The following SPIRE1 variants were observed in gnomAD, a reference collection of about 807,000 sequenced individuals.
The protein encoded by SPIRE1 is spire type actin nucleation factor 1.
SPIRE1 carries 40 observed loss-of-function variants against 94.1 expected under a neutral mutation model. That is an observed-to-expected ratio of 0.43 (90% CI 0.33 to 0.55). The LOEUF is 0.55. Among genes scored for constraint, SPIRE1 ranks in the 20% least tolerant of loss-of-function variants. SPIRE1 has a pLI of 0.06. For missense variants in SPIRE1, 838 were observed against 975.2 expected (o/e 0.86, Z 1.87); for synonymous variants, 376 against 371.7 (o/e 1.01, Z -0.13).
At chr18:12,480,306 A>G (rs2032791559) in intron 9 of SPIRE1, among the ~76,000 whole-genome samples, 1 of 152,218 alleles carries the variant, frequency 6.6e-6, no homozygotes, top group African/African-American at 2.4e-5. Flanking sequence ...CTAATAATCT[A>G]TATTCATATA....
chr18:12,447,035 T>C lies in SPIRE1; in HGVS notation c.*2603A>G, dbSNP rs2030965699. On this transcript the variant is annotated 3_prime_UTR_variant, in exon 17 of 17. Coordinates refer to ENST00000409402, the MANE Select transcript of SPIRE1 (RefSeq NM_001128626.2). ...TGCCTTTCAAATATTAATAAATATA[T>C]TACAGTATTTACAAGCATTCTTATA... is the stretch of plus-strand genomic sequence containing the variant. 1 of 152,146 alleles carries C rather than the reference T, an allele frequency of 6.6e-6. No homozygotes were observed. The highest frequency in any genetic ancestry group is 6.5e-5 in the Admixed American group (1 of 15,278). The allele number at this position is 152,146 out of a possible 1,614,324, so 9.4% of individuals were successfully genotyped here. A position where few individuals can be genotyped will look rare whatever the true frequency, so the allele number is the denominator to read the frequency against.
intron 16 of SPIRE1, 74 bp from the exon 17 acceptor site, chr18:12,449,970 A>C: frequency 1.4e-6 from 2 of 1,445,076 alleles, no homozygotes; most frequent in Non-Finnish European, 1.9e-6. Flanking sequence ...AATATGTATA[A>C]AAAAAAGTAA....
intron 2 of SPIRE1, among the ~76,000 whole-genome samples, chr18:12,626,892 T>A (rs372108557): frequency 0.12 from 15,006 of 122,278 alleles, 1,069 homozygotes; most frequent in East Asian, 0.22. Flanking sequence ...ATATATTTTT[T>A]TTTTTTTTTT....
At chr18:12,638,872 G>C (rs1048918313) in intron 1 of SPIRE1, among the ~76,000 whole-genome samples, 1 of 152,012 alleles carries the variant, frequency 6.6e-6, no homozygotes, top group Non-Finnish European at 1.5e-5. Context: ...CACCTTTTGC[G>C]ATGACTGTAA....
intron 5 of SPIRE1, among the ~76,000 whole-genome samples, chr18:12,509,183 T>C (rs2033942663): frequency 6.6e-6 from 1 of 152,264 alleles, no homozygotes; most frequent in South Asian, 2.1e-4. Context: ...TAATTCTCTC[T>C]TAACTCTTTG....
chr18:12,570,083 C>A (rs989457338), intron 2 of SPIRE1, among the ~76,000 whole-genome samples: 1 of 152,208 alleles, frequency 6.6e-6, no homozygotes, highest in Admixed American at 6.5e-5. Context: ...GCACCCACCA[C>A]GTATCCCATA....
At chr18:12,592,568 C>A (rs896962388) in intron 2 of SPIRE1, among the ~76,000 whole-genome samples, 6 of 152,300 alleles carry the variant, frequency 3.9e-5, no homozygotes, top group African/African-American at 1.2e-4. Flanking sequence ...TAAACTACAG[C>A]CCTGGTCTGC....
At position 12,546,741 on chromosome 18, in the gene SPIRE1, T is replaced by C; in HGVS notation, c.536A>G (p.Glu179Gly). 1 of 1,614,190 alleles carries C rather than the reference T, an allele frequency of 6.2e-7. No individual in the cohort carries two copies. Among genetic ancestry groups the C allele is most frequent in the South Asian group, 1.1e-5 (1 of 91,088 alleles). Residue 179 changes from glutamate to glycine, a missense_variant, in exon 3 of 17, where the codon GAA (glutamate) becomes GGA (glycine). Coordinates refer to ENST00000409402, the MANE Select transcript of SPIRE1 (RefSeq NM_001128626.2). ...SNDEGYEAAE[E>G]GLGDEDEKRK... ...CTTTTCATCTTCATCTCCCAGGCCT[T>C]CTTCTGCAGCCTCATAGCCCTCATC...
At chr18:12,657,428 G>T (rs915623749) in intron 1 of SPIRE1, 102 bp downstream of exon 1, 3 of 976,364 alleles carry the variant, frequency 3.1e-6, no homozygotes, top group African/African-American at 1.7e-5. Flanking sequence ...TGGCAAAATG[G>T]GGGGGGACGG....
intron 13 of SPIRE1, among the ~76,000 whole-genome samples, chr18:12,453,927 G>A (rs1312646712): frequency 6.6e-6 from 1 of 151,928 alleles, no homozygotes; most frequent in African/African-American, 2.4e-5. Context: ...TGGGATTACA[G>A]GCACGCACCA....
chr18:12,562,798 C>G (rs1382014792), intron 2 of SPIRE1, among the ~76,000 whole-genome samples: 2 of 152,024 alleles, frequency 1.3e-5, no homozygotes, highest in Non-Finnish European at 2.9e-5. Flanking sequence ...GCATGAGCCA[C>G]TACACATAGC....
rs554641229 is a variant in SPIRE1 at position 12,585,672 on chromosome 18, A to G, written c.373-38768T>C. On this transcript the variant is annotated intron_variant, in intron 2 of 16. Coordinates refer to ENST00000409402, the MANE Select transcript of SPIRE1 (RefSeq NM_001128626.2). ...AGTATGCTATTAAACACAATGAGGT[A>G]GGTCTATATGTACTAACATGTAAAA... Among the ~76,000 whole-genome samples, 7 of 152,346 alleles carry G rather than the reference A, an allele frequency of 4.6e-5. No individual in the cohort carries two copies. The South Asian group carries it at 1.4e-3, about 32-fold the overall frequency.
intron 2 of SPIRE1, among the ~76,000 whole-genome samples, chr18:12,623,116 T>TCTC (rs33979247): frequency 0.56 from 84,800 of 151,754 alleles, 24,850 homozygotes; most frequent in Middle Eastern, 0.76. Flanking sequence ...ATTTTTACAT[T>TCTC]CTTTTACCCT....
chr18:12,617,357 C>T (rs779660240), intron 2 of SPIRE1, among the ~76,000 whole-genome samples: 4 of 151,126 alleles, frequency 2.6e-5, no homozygotes, highest in Non-Finnish European at 5.9e-5. Flanking sequence ...TGGGATTACA[C>T]GCACCAACCA....
rs531231072 is a variant in SPIRE1 at position 12,487,146 on chromosome 18, C to T, written c.1190-1146G>A. 3.9e-5 allele frequency among the ~76,000 whole-genome samples: 6 copies of T among 152,330 alleles called. No homozygotes were observed. The South Asian group carries it at 1.2e-3, about 32-fold the overall frequency. ...GGGATTACAGGCATAAGCCACCATGCCCGGCCAATTCATAAGTTTTAAATT... is the reference window on the plus strand; with the variant it reads ...GGGATTACAGGCATAAGCCACCATGTCCGGCCAATTCATAAGTTTTAAATT... On this transcript the variant is annotated intron_variant, in intron 8 of 16. Transcript: ENST00000409402.
chr18:12,560,006 T>A (rs556503907), intron 2 of SPIRE1, among the ~76,000 whole-genome samples: 1 of 152,242 alleles, frequency 6.6e-6, no homozygotes, highest in African/African-American at 2.4e-5. Flanking sequence ...CTTGACATCA[T>A]TGATTGTCAG....
chr18:12,649,627 C>T (rs1055023334), intron 1 of SPIRE1, among the ~76,000 whole-genome samples: 4 of 152,252 alleles, frequency 2.6e-5, no homozygotes, highest in East Asian at 1.9e-4. Context: ...GAGAGTGAAT[C>T]TGACCTTCCA....
chr18:12,537,608 C>A (rs1166016386), intron 3 of SPIRE1, among the ~76,000 whole-genome samples: 2 of 152,092 alleles, frequency 1.3e-5, no homozygotes, highest in Non-Finnish European at 2.9e-5. Flanking sequence ...ATATGACAAT[C>A]TTACACATAA....
intron 1 of SPIRE1, among the ~76,000 whole-genome samples, chr18:12,641,029 C>T (rs2038069282): frequency 6.6e-6 from 1 of 151,942 alleles, no homozygotes. Flanking sequence ...GCACTACACG[C>T]GGGCGGCCAG....
Sources: allele counts gnomAD v4.1 joint callset (sites outside exome capture counted in the v4.1 genomes callset), GRCh38; gene constraint gnomAD v4.1.1; transcripts MANE v1.5; gene names NCBI Gene and HGNC (gene_info 2026-07-23, HGNC 2026-07-21).